TLE1: variants seen among roughly 807,000 people sequenced by gnomAD.
The protein encoded by TLE1 is TLE family member 1, transcriptional corepressor, also known as transducin-like enhancer protein 1.
TLE1 carries 21 observed loss-of-function variants against 89.8 expected under a neutral mutation model. The observed-to-expected ratio is 0.23, with a 90% CI of 0.17 to 0.34. The LOEUF (loss-of-function observed/expected upper bound fraction) is 0.34, where lower values mean the gene tolerates loss of function less well. Ranked by LOEUF, TLE1 falls within the 10% of genes least tolerant of loss-of-function variation. TLE1 has a pLI of 1.00. For synonymous variants in TLE1, 447 were observed against 407.6 expected (o/e 1.10, Z -1.16); for missense variants, 795 against 1,031.2 (o/e 0.77, Z 3.14).
At chr9:81,623,359 T>C (rs1825519903) in intron 8 of TLE1, among the ~76,000 whole-genome samples, 1 of 152,178 alleles carries the variant, frequency 6.6e-6, no homozygotes, top group Non-Finnish European at 1.5e-5. Context: ...TAAATTGTCA[T>C]TTTGATCCTC....
intron 14 of TLE1, among the ~76,000 whole-genome samples, chr9:81,601,172 T>G (rs1278172070): frequency 6.6e-6 from 1 of 152,062 alleles, no homozygotes; most frequent in Non-Finnish European, 1.5e-5. Context: ...AAGCGAGCTG[T>G]GGAATCTAGA....
intron 6 of TLE1, among the ~76,000 whole-genome samples, chr9:81,647,910 T>C (rs1025941233): frequency 2.6e-5 from 4 of 152,198 alleles, no homozygotes; most frequent in South Asian, 2.1e-4. Flanking sequence ...AACTGTGCCA[T>C]TGTTTACTAT....
chr9:81,612,564 G>A (rs1243842672), intron 12 of TLE1, among the ~76,000 whole-genome samples: 1 of 152,080 alleles, frequency 6.6e-6, no homozygotes, highest in African/African-American at 2.4e-5. Flanking sequence ...TCTACTGCAG[G>A]AGAGACCACT....
At chr9:81,681,597 G>C (rs1434907927) in intron 4 of TLE1, among the ~76,000 whole-genome samples, 1 of 151,624 alleles carries the variant, frequency 6.6e-6, no homozygotes, top group African/African-American at 2.4e-5. Flanking sequence ...GGAGAGCCCA[G>C]TGCTCTCACT....
At chr9:81,638,200 T>C (rs1274411115) in intron 6 of TLE1, among the ~76,000 whole-genome samples, 1 of 151,974 alleles carries the variant, frequency 6.6e-6, no homozygotes, top group Non-Finnish European at 1.5e-5. Flanking sequence ...CCATCTCCTG[T>C]CCCCCCTTCT....
At chr9:81,586,611 A>G (rs1378742310) in intron 17 of TLE1, among the ~76,000 whole-genome samples, 2 of 152,234 alleles carry the variant, frequency 1.3e-5, no homozygotes, top group Non-Finnish European at 2.9e-5. Flanking sequence ...ATATGCTGCT[A>G]GAGTTTATTT....
intron 6 of TLE1, 108 bp downstream of exon 6, chr9:81,652,106 T>TACACACACACACACACACACACACAC (rs3045544): frequency 1.5e-6 from 1 of 659,044 alleles, no homozygotes; most frequent in African/African-American, 2.0e-5. Context: ...AACGTTAAGA[T>TACACACACACACACACACACACACAC]ACACACACAC....
chr9:81,671,560 G>A (rs908709178), intron 4 of TLE1, among the ~76,000 whole-genome samples: 2 of 151,760 alleles, frequency 1.3e-5, no homozygotes, highest in Admixed American at 6.6e-5. Flanking sequence ...CAGGAGAATC[G>A]CTTGAACCCG....
chr9:81,682,246 C>T (rs1833726186), intron 4 of TLE1, among the ~76,000 whole-genome samples: 1 of 149,972 alleles, frequency 6.7e-6, no homozygotes, highest in Admixed American at 6.6e-5. Context: ...AAGCGAGATT[C>T]CATCTCAAAA....
intron 14 of TLE1, among the ~76,000 whole-genome samples, chr9:81,605,082 A>G (rs1047708142): frequency 6.6e-6 from 1 of 152,112 alleles, no homozygotes; most frequent in Non-Finnish European, 1.5e-5. Flanking sequence ...GACAGTTCAC[A>G]CTCAGTCTAT....
At chr9:81,636,260 C>T (rs183021322) in intron 6 of TLE1, among the ~76,000 whole-genome samples, 2 of 152,174 alleles carry the variant, frequency 1.3e-5, no homozygotes, top group East Asian at 3.9e-4. Flanking sequence ...AAGAGCTTGG[C>T]AATAGTGAGA....
At chr9:81,602,403 A>G (rs1831060344) in intron 14 of TLE1, among the ~76,000 whole-genome samples, 1 of 152,194 alleles carries the variant, frequency 6.6e-6, no homozygotes, top group Non-Finnish European at 1.5e-5. Flanking sequence ...TTACATATAC[A>G]TAAATGAGTC....
intron 6 of TLE1, among the ~76,000 whole-genome samples, chr9:81,640,117 A>AGGAC (rs1554684548): frequency 6.6e-6 from 1 of 152,144 alleles, no homozygotes; most frequent in Non-Finnish European, 1.5e-5. Flanking sequence ...TACAATGCAC[A>AGGAC]GGACAGCCCT....
intron 4 of TLE1, among the ~76,000 whole-genome samples, chr9:81,681,272 G>A (rs1392333627): frequency 5.3e-5 from 8 of 152,062 alleles, no homozygotes; most frequent in Non-Finnish European, 8.8e-5. Flanking sequence ...ACCATCGGCC[G>A]GGCACAGTGG....
At chr9:81,687,493 G>GTA in intron 1 of TLE1, 59 bp from the exon 2 acceptor site, 1 of 1,338,562 alleles carries the variant, frequency 7.5e-7, no homozygotes, top group Non-Finnish European at 1.1e-6. Flanking sequence ...GAATAAAGCA[G>GTA]TAAGTCAGAG....
At chr9:81,591,975 C>A (rs1479437819) in intron 15 of TLE1, among the ~76,000 whole-genome samples, 1 of 152,216 alleles carries the variant, frequency 6.6e-6, no homozygotes, top group East Asian at 1.9e-4. Flanking sequence ...TGCAGGCAGA[C>A]ACCACACCAG....
chr9:81,652,832 A>G (rs1233980932), intron 5 of TLE1, among the ~76,000 whole-genome samples: 1 of 152,120 alleles, frequency 6.6e-6, no homozygotes, highest in Non-Finnish European at 1.5e-5. Flanking sequence ...TTAATATTAA[A>G]TCCGTTGATT....
chr9:81,647,226 C>T (rs1828966033), intron 6 of TLE1, among the ~76,000 whole-genome samples: 2 of 152,172 alleles, frequency 1.3e-5, no homozygotes, highest in South Asian at 4.1e-4. Flanking sequence ...ACGATGTCTT[C>T]TAACTCTCTC....
chr9:81,667,031 T>A (rs1831555393), intron 4 of TLE1, among the ~76,000 whole-genome samples: 1 of 151,390 alleles, frequency 6.6e-6, no homozygotes, highest in African/African-American at 2.4e-5. Context: ...AGGCAAAGGA[T>A]CACTTGTTCG....
Sources: gnomAD v4.1 joint callset for allele counts (sites outside exome capture counted in the v4.1 genomes callset) on GRCh38, gnomAD v4.1.1 for gene constraint, MANE v1.5 for transcripts, NCBI Gene and HGNC (gene_info 2026-07-23, HGNC 2026-07-21) for gene names.